Variants in MID1 observed in about 807,000 individuals in gnomAD.
MID1 encodes E3 ubiquitin-protein ligase Midline-1.
In MID1, 7 loss-of-function variants were observed where a neutral mutation model predicts 40.4. The observed-to-expected ratio is 0.17, with a 90% CI of 0.10 to 0.33. The LOEUF (loss-of-function observed/expected upper bound fraction) is 0.33, where lower values mean the gene tolerates loss of function less well. Among genes scored for constraint, MID1 ranks in the 10% least tolerant of loss-of-function variants. The probability of loss-of-function intolerance (pLI) is 1.00; values close to 1 mark genes in which losing one functional copy is unlikely to be tolerated. For synonymous variants in MID1, 229 were observed against 221.2 expected, an observed-to-expected ratio of 1.04 and a Z score of -0.31; for missense variants, 367 against 558.5, an observed-to-expected ratio of 0.66 and a Z score of 3.46.
intron 1 of MID1, among the ~76,000 whole-genome samples, chrX:10,779,212 G>A (rs906071189): frequency 8.9e-6 from 1 of 112,431 alleles, no homozygotes; most frequent in African/African-American, 3.2e-5. Flanking sequence ...TTTAGACAAG[G>A]TCTCACTCTG....
rs1401586453 is a variant in MID1, at chrX:10,449,017, C to T, written c.*351G>A. The stretch of plus-strand genomic sequence containing the variant: ...ACAAAAGTTTTTGTTTTTTTGTAAG[C>T]CCACAGATTGTGATGAAATGAAGGT... On this transcript the variant is annotated 3_prime_UTR_variant, in exon 10 of 10. Coordinates refer to ENST00000317552, the MANE Select transcript of MID1 (RefSeq NM_000381.4). 5.6e-6 allele frequency: 1 copy of T among 179,085 alleles called. No homozygotes were observed. The highest frequency in any genetic ancestry group is 1.0e-5 in the Non-Finnish European group (1 of 96,596). The allele number at this position is 179,085 out of a possible 1,213,427, so 14.8% of individuals were successfully genotyped here. A position where few individuals can be genotyped will look rare whatever the true frequency, so the allele number is the denominator to read the frequency against.
chrX:10,482,349 A>G (rs1203443286), intron 5 of MID1, 131 bp downstream of exon 5: 1 of 725,966 alleles, frequency 1.4e-6, no homozygotes, highest in East Asian at 3.2e-5. Flanking sequence ...AAAACAGCTC[A>G]AAGCCTCTAT....
chrX:10,459,890 T>G, intron 7 of MID1, 83 bp from the exon 8 acceptor site: 1 of 1,003,414 alleles, frequency 1.0e-6, no homozygotes, highest in East Asian at 3.0e-5. Flanking sequence ...TAATTTCCAT[T>G]TATTTGAATA....
At chrX:10,549,838 G>A (rs1165334081) in intron 2 of MID1, among the ~76,000 whole-genome samples, 1 of 112,255 alleles carries the variant, frequency 8.9e-6, no homozygotes, top group African/African-American at 3.2e-5. Flanking sequence ...ATGGCCCTTC[G>A]AGCTCAGCGC....
chrX:10,645,219 T>C (rs1448433123), intron 1 of MID1, among the ~76,000 whole-genome samples: 2 of 111,914 alleles, frequency 1.8e-5, no homozygotes, highest in African/African-American at 6.5e-5. Flanking sequence ...AAAGAAAAAC[T>C]TTAGCTGAAT....
intron 1 of MID1, among the ~76,000 whole-genome samples, chrX:10,686,758 C>T (rs1179096777): frequency 8.9e-6 from 1 of 112,238 alleles, no homozygotes; most frequent in African/African-American, 3.2e-5. Context: ...CCAGGCCCTA[C>T]AAATCCTTGG....
chrX:10,506,267 ATCATT>A, intron 3 of MID1: 1 of 1,010,329 alleles, frequency 9.9e-7, no homozygotes, highest in East Asian at 3.6e-5. Context: ...GACTTGTGCT[ATCATT>A]TCATTTTAGA....
At chrX:10,452,834 T>G (rs1319157122) in intron 9 of MID1, among the ~76,000 whole-genome samples, 3 of 111,940 alleles carry the variant, frequency 2.7e-5, no homozygotes, top group Non-Finnish European at 3.8e-5. Context: ...TTTATATAAC[T>G]GAAGTGGTCT....
intron 6 of MID1, 70 bp downstream of exon 6, chrX:10,474,553 A>G: frequency 9.2e-7 from 1 of 1,091,646 alleles, no homozygotes; most frequent in South Asian, 1.9e-5. Context: ...TTGGGGAATA[A>G]CTGATCTGGT....
intron 1 of MID1, among the ~76,000 whole-genome samples, chrX:10,661,583 G>C (rs1484999467): frequency 9.0e-6 from 1 of 110,824 alleles, no homozygotes; most frequent in Non-Finnish European, 1.9e-5. Flanking sequence ...AAAGTGCTGG[G>C]ATTACAGGCA....
intron 1 of MID1, among the ~76,000 whole-genome samples, chrX:10,829,293 A>G (rs1450200911): frequency 8.9e-6 from 1 of 111,960 alleles, no homozygotes; most frequent in African/African-American, 3.2e-5. Flanking sequence ...CAAAATTCCA[A>G]TTCTGTCACG....
At chrX:10,624,056 C>T (rs929838346), upstream of MID1, among the ~76,000 whole-genome samples, 4 of 112,356 alleles carry the variant, frequency 3.6e-5, no homozygotes, top group African/African-American at 1.3e-4. Flanking sequence ...GTTTCTACTT[C>T]CTGTGTACAG....
intron 1 of MID1, among the ~76,000 whole-genome samples, chrX:10,743,209 G>A (rs990157512): frequency 1.8e-5 from 2 of 112,178 alleles, no homozygotes; most frequent in Middle Eastern, 4.2e-3. Flanking sequence ...TATGATCTGC[G>A]TTGGGAACAC....
chrX:10,541,602 T>C (rs1230126335), intron 2 of MID1, among the ~76,000 whole-genome samples: 1 of 111,414 alleles, frequency 9.0e-6, no homozygotes, highest in East Asian at 2.8e-4. Context: ...GTTTTTTAAA[T>C]GAAAACTCTA....
At chrX:10,637,297 A>G (rs1173343901) in intron 1 of MID1, among the ~76,000 whole-genome samples, 1 of 109,954 alleles carries the variant, frequency 9.1e-6, no homozygotes, top group African/African-American at 3.3e-5. Flanking sequence ...ATTGGTTTCA[A>G]TAGGAGTCTG....
chrX:10,601,262 G>A (rs182424367), intron 1 of MID1, among the ~76,000 whole-genome samples: 7 of 111,959 alleles, frequency 6.3e-5, no homozygotes, highest in African/African-American at 2.3e-4. Flanking sequence ...TTACCCTAGA[G>A]CAGGGTTCTG....
At chrX:10,621,915 G>A (rs1285636900), upstream of MID1, among the ~76,000 whole-genome samples, 1 of 103,714 alleles carries the variant, frequency 9.6e-6, no homozygotes, top group East Asian at 3.0e-4. Flanking sequence ...ACTGTAAGAT[G>A]TGTAGCAGCA....
chrX:10,596,992 G>A (rs1185385820), intron 1 of MID1, among the ~76,000 whole-genome samples: 1 of 111,054 alleles, frequency 9.0e-6, no homozygotes, highest in Admixed American at 9.6e-5. Context: ...TTTGCTACAT[G>A]TGAATGATTG....
chrX:10,798,734 A>T (rs2043984389), intron 1 of MID1, among the ~76,000 whole-genome samples: 1 of 111,614 alleles, frequency 9.0e-6, no homozygotes, highest in African/African-American at 3.3e-5. Context: ...GAAAGAAAAG[A>T]AGGGAAGGAA....
Sources: gnomAD v4.1 joint callset for allele counts (sites outside exome capture counted in the v4.1 genomes callset) on GRCh38, gnomAD v4.1.1 for gene constraint, MANE v1.5 for transcripts, NCBI Gene and HGNC (gene_info 2026-07-23, HGNC 2026-07-21) for gene names.